The following STK32B variants were observed in gnomAD, a reference collection of about 807,000 sequenced individuals.
STK32B encodes the protein serine/threonine-protein kinase 32B.
STK32B carries 43 observed loss-of-function variants against 52.6 expected under a neutral mutation model. That is an observed-to-expected ratio of 0.82 (90% CI 0.64 to 1.05). STK32B has a LOEUF of 1.05. STK32B is among the 50% of genes least tolerant of loss of function. The pLI is 0.00. For missense variants in STK32B, 621 were observed against 534.6 expected, an observed-to-expected ratio of 1.16 and a Z score of -1.59; for synonymous variants, 238 against 204.3, an observed-to-expected ratio of 1.17 and a Z score of -1.41.
At chr4:5,188,542 C>T (rs143706112) in intron 3 of STK32B, among the ~76,000 whole-genome samples, 23 of 152,276 alleles carry the variant, frequency 1.5e-4, no homozygotes, top group East Asian at 5.8e-4. Context: ...CATACCCCTT[C>T]GCTTCCTTCA....
At chr4:5,242,225 C>G (rs1577233637) in intron 3 of STK32B, among the ~76,000 whole-genome samples, 1 of 152,312 alleles carries the variant, frequency 6.6e-6, no homozygotes, top group South Asian at 2.1e-4. Flanking sequence ...TCTCCACATC[C>G]TCTTCAGCAC....
chr4:5,485,138 C>T (rs1294645409), intron 11 of STK32B, among the ~76,000 whole-genome samples: 1 of 152,060 alleles, frequency 6.6e-6, no homozygotes, highest in Non-Finnish European at 1.5e-5. Flanking sequence ...GTTGGCCTGT[C>T]TTGCTACACT....
At chr4:5,183,834 C>T (rs1250468257) in intron 3 of STK32B, among the ~76,000 whole-genome samples, 1 of 152,184 alleles carries the variant, frequency 6.6e-6, no homozygotes, top group Non-Finnish European at 1.5e-5. Context: ...CCTGAACCAA[C>T]CTCTGCTACC....
intron 1 of STK32B, among the ~76,000 whole-genome samples, chr4:5,099,511 G>A (rs1292631986): frequency 6.6e-6 from 1 of 151,762 alleles, no homozygotes; most frequent in Non-Finnish European, 1.5e-5. Flanking sequence ...TGTGAAAAGT[G>A]GTGTGGCAGG....
At chr4:5,082,598 C>CT (rs1712500158) in intron 1 of STK32B, among the ~76,000 whole-genome samples, 2 of 152,172 alleles carry the variant, frequency 1.3e-5, no homozygotes, top group South Asian at 2.1e-4. Flanking sequence ...AATGACAACT[C>CT]TAACTTTTTG....
intron 4 of STK32B, among the ~76,000 whole-genome samples, chr4:5,341,724 T>C (rs1733093476): frequency 6.6e-6 from 1 of 152,190 alleles, no homozygotes; most frequent in African/African-American, 2.4e-5. Context: ...GGAAGCATGC[T>C]GCTGGCATCT....
chr4:5,439,934 A>G (rs1014166502), intron 6 of STK32B, among the ~76,000 whole-genome samples: 9 of 152,216 alleles, frequency 5.9e-5, no homozygotes, highest in East Asian at 3.9e-4. Context: ...CATTATTTCT[A>G]AGGGCTCTGT....
chr4:5,042,967 G>A, the STK32B span, among the ~76,000 whole-genome samples: 5 of 151,676 alleles, frequency 3.3e-5, no homozygotes, highest in African/African-American at 7.3e-5. Context: ...TTAGCCGGGC[G>A]CGGTGGCGGG....
At chr4:5,147,879 A>G (rs1259616381) in intron 2 of STK32B, among the ~76,000 whole-genome samples, 1 of 151,958 alleles carries the variant, frequency 6.6e-6, no homozygotes. Context: ...TTTTTGTAAT[A>G]TCTTCATCAA....
At chr4:5,158,317 C>G (rs11931705) in intron 2 of STK32B, among the ~76,000 whole-genome samples, 13,800 of 152,050 alleles carry the variant, frequency 0.091, 1,081 homozygotes, top group African/African-American at 0.19. Context: ...GTCCTGGGGT[C>G]CCTGTGCCTT....
At chr4:5,457,111 C>G (rs1356064830) in intron 8 of STK32B, among the ~76,000 whole-genome samples, 188 bp downstream of exon 8, 1 of 152,038 alleles carries the variant, frequency 6.6e-6, no homozygotes, top group Non-Finnish European at 1.5e-5. Context: ...ATCAGCACAC[C>G]TCGGAGGACT....
chr4:5,314,249 CA>C (rs1292864627), intron 3 of STK32B, among the ~76,000 whole-genome samples: 2 of 152,104 alleles, frequency 1.3e-5, no homozygotes. Context: ...TTGAACTACA[CA>C]AATATGCCCA....
chr4:5,100,444 TCTTCCTTC>T (rs1167602800), intron 1 of STK32B, among the ~76,000 whole-genome samples: 2 of 139,164 alleles, frequency 1.4e-5, no homozygotes, highest in African/African-American at 5.5e-5. Flanking sequence ...CTTCCTCCTT[TCTTCCTTC>T]CTTCCCTTCC....
At chr4:5,365,106 C>T (rs542823571) in intron 4 of STK32B, among the ~76,000 whole-genome samples, 3 of 152,184 alleles carry the variant, frequency 2.0e-5, no homozygotes, top group South Asian at 4.2e-4. Flanking sequence ...AAACTCCTGA[C>T]CTCAGGTGAT....
At chr4:5,223,121 G>C (rs1723645700) in intron 3 of STK32B, among the ~76,000 whole-genome samples, 1 of 152,176 alleles carries the variant, frequency 6.6e-6, no homozygotes, top group African/African-American at 2.4e-5. Flanking sequence ...GAAGGCCCAG[G>C]TGCAGCTTGG....
intron 3 of STK32B, among the ~76,000 whole-genome samples, chr4:5,254,578 A>G (rs1490782654): frequency 1.3e-5 from 2 of 152,190 alleles, no homozygotes; most frequent in African/African-American, 4.8e-5. Context: ...TATTCATTAT[A>G]GGTGAGTTCA....
chr4:5,053,835 C>T (rs746564313), intron 1 of STK32B, among the ~76,000 whole-genome samples: 6 of 150,718 alleles, frequency 4.0e-5, no homozygotes, highest in African/African-American at 9.8e-5. Flanking sequence ...AAAAATTAGC[C>T]GGGCATGTTG....
intron 3 of STK32B, among the ~76,000 whole-genome samples, chr4:5,324,304 A>G (rs992847399): frequency 6.6e-6 from 1 of 152,180 alleles, no homozygotes; most frequent in Non-Finnish European, 1.5e-5. Context: ...CAGTGAGCCA[A>G]GATTGCACCA....
At chr4:5,269,752 T>C (rs927528819) in intron 3 of STK32B, among the ~76,000 whole-genome samples, 3 of 152,212 alleles carry the variant, frequency 2.0e-5, no homozygotes, top group Admixed American at 6.5e-5. Context: ...CTTAAACATA[T>C]AGCAATAAAG....
Sources: gnomAD v4.1 joint callset for allele counts (sites outside exome capture counted in the v4.1 genomes callset) on GRCh38, gnomAD v4.1.1 for gene constraint, MANE v1.5 for transcripts, NCBI Gene and HGNC (gene_info 2026-07-23, HGNC 2026-07-21) for gene names.